WWOX: variants seen among roughly 807,000 people sequenced by gnomAD.
The protein encoded by WWOX is WW domain containing oxidoreductase.
A neutral mutation model predicts 46.2 loss-of-function variants in WWOX; 69 were observed. That is an observed-to-expected ratio of 1.49 (90% CI 1.23 to 1.82). The LOEUF (loss-of-function observed/expected upper bound fraction) is 1.82. Ranked by LOEUF, WWOX falls within the 40% of genes most tolerant of loss-of-function variation. WWOX has a pLI of 0.00. For synonymous variants in WWOX, 359 were observed against 202.6 expected (o/e 1.77, Z -6.56); for missense variants, 919 against 542.6 (o/e 1.69, Z -6.89).
intron 8 of WWOX, among the ~76,000 whole-genome samples, chr16:79,092,984 G>T (rs2048994714): frequency 6.6e-6 from 1 of 152,158 alleles, no homozygotes; most frequent in South Asian, 2.1e-4. Flanking sequence ...AAAAGTAATC[G>T]CGGTTTTCAC....
intron 8 of WWOX, among the ~76,000 whole-genome samples, chr16:78,829,122 GGA>G (rs1167210259): frequency 0.014 from 2,135 of 151,884 alleles, 50 homozygotes; most frequent in African/African-American, 0.05. Flanking sequence ...ATGGATGGAT[GGA>G]TGGATGGAGA....
intron 8 of WWOX, among the ~76,000 whole-genome samples, chr16:78,673,363 C>G (rs932113636): frequency 5.3e-5 from 8 of 152,168 alleles, no homozygotes; most frequent in African/African-American, 1.4e-4. Flanking sequence ...AACTCTTCGC[C>G]TCTCTAACAC....
chr16:79,061,582 C>G (rs1417338212), intron 8 of WWOX, among the ~76,000 whole-genome samples: 1 of 152,180 alleles, frequency 6.6e-6, no homozygotes, highest in Admixed American at 6.5e-5. Flanking sequence ...CTCAGAGACA[C>G]TGGGACAGAG....
intron 4 of WWOX, among the ~76,000 whole-genome samples, chr16:78,156,219 C>A (rs926440623): frequency 5.9e-5 from 9 of 151,940 alleles, no homozygotes; most frequent in African/African-American, 1.7e-4. Context: ...TTGCTGCTGT[C>A]TTGTCAGATG....
At chr16:79,038,783 C>A (rs1272816019) in intron 8 of WWOX, among the ~76,000 whole-genome samples, 1 of 152,210 alleles carries the variant, frequency 6.6e-6, no homozygotes, top group South Asian at 2.1e-4. Flanking sequence ...TTCCTAACTT[C>A]AGGTGACCCA....
At chr16:78,387,322 A>G (rs368430071) in intron 6 of WWOX, among the ~76,000 whole-genome samples, 1 of 152,254 alleles carries the variant, frequency 6.6e-6, no homozygotes, top group Admixed American at 6.5e-5. Flanking sequence ...AAACTCAGTT[A>G]TCCAGTATGG....
intron 8 of WWOX, among the ~76,000 whole-genome samples, chr16:78,569,713 A>T (rs2044665753): frequency 6.6e-6 from 1 of 152,210 alleles, no homozygotes; most frequent in South Asian, 2.1e-4. Flanking sequence ...CAATAACGAT[A>T]CTAATTTCAT....
chr16:79,209,701 A>G (rs186775658), intron 8 of WWOX, among the ~76,000 whole-genome samples: 67 of 152,256 alleles, frequency 4.4e-4, no homozygotes, highest in African/African-American at 1.5e-3. Context: ...CCAAAATAAT[A>G]CTTGGCTTGA....
At chr16:78,802,934 AAAAAAAAACAACAAAC>A (rs2050930913) in intron 8 of WWOX, among the ~76,000 whole-genome samples, 3 of 100,208 alleles carry the variant, frequency 3.0e-5, no homozygotes, top group African/African-American at 8.8e-5. Flanking sequence ...AAAAAAAAAA[AAAAAAAAACAACAAAC>A]AGAAAAATGA....
intron 8 of WWOX, among the ~76,000 whole-genome samples, chr16:78,448,954 C>G (rs939832743): frequency 6.6e-6 from 1 of 152,194 alleles, no homozygotes; most frequent in Non-Finnish European, 1.5e-5. Flanking sequence ...TAACAAATCT[C>G]AGCTGGTCTG....
chr16:78,700,130 C>T (rs563922714), intron 8 of WWOX, among the ~76,000 whole-genome samples: 47 of 151,866 alleles, frequency 3.1e-4, no homozygotes, highest in South Asian at 6.3e-4. Flanking sequence ...CGTGGACTGT[C>T]TTAGTCAGTC....
chr16:78,382,653 C>A (rs1055980984), intron 5 of WWOX, among the ~76,000 whole-genome samples: 2 of 152,166 alleles, frequency 1.3e-5, no homozygotes, highest in African/African-American at 4.8e-5. Context: ...GAGGCCTGAA[C>A]TTTTCATGTT....
At chr16:79,109,660 C>T (rs555613236) in intron 8 of WWOX, among the ~76,000 whole-genome samples, 17 of 152,118 alleles carry the variant, frequency 1.1e-4, no homozygotes, top group African/African-American at 3.1e-4. Flanking sequence ...TGGGGTATTT[C>T]GCTCCAAGTT....
chr16:78,323,920 T>C (rs1303190373), intron 5 of WWOX, among the ~76,000 whole-genome samples: 2 of 152,158 alleles, frequency 1.3e-5, no homozygotes, highest in African/African-American at 4.8e-5. Context: ...ATAATAAGCA[T>C]AGATGCCCCT....
intron 8 of WWOX, among the ~76,000 whole-genome samples, chr16:79,009,282 C>T (rs779514900): frequency 1.6e-4 from 24 of 152,166 alleles, no homozygotes; most frequent in Non-Finnish European, 2.8e-4. Context: ...CTGCTCTTTG[C>T]AGATGAATGA....
At chr16:78,838,933 G>C (rs1001119622) in intron 8 of WWOX, among the ~76,000 whole-genome samples, 1 of 152,076 alleles carries the variant, frequency 6.6e-6, no homozygotes, top group Non-Finnish European at 1.5e-5. Flanking sequence ...GAACCAGAGT[G>C]GATTTAAAAC....
At chr16:78,547,145 A>AAAC (rs2044056672) in intron 8 of WWOX, among the ~76,000 whole-genome samples, 5 of 93,986 alleles carry the variant, frequency 5.3e-5, no homozygotes, top group African/African-American at 8.7e-5. Context: ...AAAAAAAAAA[A>AAAC]AAAAAAAAAA....
intron 8 of WWOX, among the ~76,000 whole-genome samples, chr16:78,589,193 T>C (rs2045294022): frequency 6.6e-6 from 1 of 152,196 alleles, no homozygotes. Flanking sequence ...GTTTGTTATT[T>C]TTTAGAGTTT....
intron 8 of WWOX, chr16:78,496,500 A>G (rs2084922724): frequency 6.6e-6 from 1 of 152,224 alleles, no homozygotes; most frequent in South Asian, 2.1e-4. Context: ...GCTGTTTTCA[A>G]TTAACTTGAC....
Sources: allele counts gnomAD v4.1 joint callset (sites outside exome capture counted in the v4.1 genomes callset), GRCh38; gene constraint gnomAD v4.1.1; transcripts MANE v1.5; gene names NCBI Gene and HGNC (gene_info 2026-07-23, HGNC 2026-07-21).